The following PIBF1 variants were observed in gnomAD, a reference collection of about 807,000 sequenced individuals.
PIBF1 encodes progesterone-induced-blocking factor 1.
In PIBF1, 90 loss-of-function variants were observed where a neutral mutation model predicts 112.5. The observed-to-expected ratio is 0.80, with a 90% CI of 0.67 to 0.95. PIBF1 has a LOEUF of 0.95. Ranked by LOEUF, PIBF1 falls within the 40% of genes least tolerant of loss-of-function variation. The pLI is 0.00. For missense variants in PIBF1, 915 were observed against 852.3 expected, an observed-to-expected ratio of 1.07 and a Z score of -0.92; for synonymous variants, 301 against 288.6, an observed-to-expected ratio of 1.04 and a Z score of -0.44.
chr13:72,845,879 A>G (rs976877417), intron 9 of PIBF1, among the ~76,000 whole-genome samples: 5 of 152,100 alleles, frequency 3.3e-5, no homozygotes, highest in African/African-American at 9.7e-5. Context: ...TTTTTATACC[A>G]AAGCCCCTAA....
chr13:72,810,187 A>G (rs985029873), intron 5 of PIBF1, among the ~76,000 whole-genome samples: 9 of 152,220 alleles, frequency 5.9e-5, no homozygotes, highest in African/African-American at 1.4e-4. Context: ...TTTCCTATTT[A>G]TGAATTTTCT....
At chr13:72,945,141 G>C (rs1377589538) in intron 14 of PIBF1, among the ~76,000 whole-genome samples, 1 of 152,102 alleles carries the variant, frequency 6.6e-6, no homozygotes, top group Admixed American at 6.6e-5. Flanking sequence ...TAAAAATATG[G>C]AGTATTTGGC....
At chr13:72,825,200 G>T (rs1351338576) in intron 6 of PIBF1, among the ~76,000 whole-genome samples, 1 of 152,058 alleles carries the variant, frequency 6.6e-6, no homozygotes, top group Admixed American at 6.6e-5. Context: ...ATTCACAAAG[G>T]GTGTTTTGGG....
chr13:72,933,109 A>C (rs2041761752), intron 14 of PIBF1, among the ~76,000 whole-genome samples: 2 of 152,198 alleles, frequency 1.3e-5, no homozygotes, highest in African/African-American at 2.4e-5. Flanking sequence ...ACAAACAAAC[A>C]AACCTCTGTT....
intron 10 of PIBF1, among the ~76,000 whole-genome samples, chr13:72,882,530 C>CAA (rs1271388323): frequency 6.6e-6 from 1 of 152,126 alleles, no homozygotes; most frequent in Non-Finnish European, 1.5e-5. Context: ...GATTTGCGAA[C>CAA]AATCCATCTG....
intron 17 of PIBF1, among the ~76,000 whole-genome samples, chr13:73,000,815 T>C (rs1359595112): frequency 6.6e-6 from 1 of 152,228 alleles, no homozygotes; most frequent in African/African-American, 2.4e-5. Context: ...AATCAGTACA[T>C]GAGTAACAAT....
chr13:72,850,976 A>G (rs1181217155), intron 9 of PIBF1, among the ~76,000 whole-genome samples: 9 of 152,204 alleles, frequency 5.9e-5, no homozygotes, highest in African/African-American at 1.4e-4. Flanking sequence ...TGAAGAAACT[A>G]TTTTATTTCT....
intron 17 of PIBF1, among the ~76,000 whole-genome samples, chr13:73,001,920 C>A (rs1213054892): frequency 2.0e-5 from 3 of 152,044 alleles, no homozygotes; most frequent in African/African-American, 7.2e-5. Context: ...CAGCACCTGA[C>A]AAGACTTTTT....
chr13:72,906,454 T>A (rs975113476), intron 11 of PIBF1, among the ~76,000 whole-genome samples: 1 of 152,166 alleles, frequency 6.6e-6, no homozygotes, highest in Non-Finnish European at 1.5e-5. Context: ...GAAATGTTCA[T>A]GTATTGATTT....
At chr13:72,918,733 C>T (rs1242285852) in intron 13 of PIBF1, among the ~76,000 whole-genome samples, 2 of 145,028 alleles carry the variant, frequency 1.4e-5, no homozygotes, top group Non-Finnish European at 3.0e-5. Flanking sequence ...GAGACAGAGA[C>T]TCACTGTGTC....
intron 2 of PIBF1, among the ~76,000 whole-genome samples, chr13:72,786,187 G>A (rs953977188): frequency 2.0e-5 from 3 of 152,034 alleles, no homozygotes; most frequent in African/African-American, 7.2e-5. Flanking sequence ...TACTTACTCA[G>A]CACAATATTA....
At chr13:72,973,143 A>G (rs557182335) in intron 15 of PIBF1, among the ~76,000 whole-genome samples, 142 of 152,250 alleles carry the variant, frequency 9.3e-4, no homozygotes, top group African/African-American at 3.2e-3. Flanking sequence ...GCAGTGATGT[A>G]TGCCTGTAGT....
chr13:72,829,683 C>T (rs1305240324), intron 8 of PIBF1, among the ~76,000 whole-genome samples: 2 of 152,166 alleles, frequency 1.3e-5, no homozygotes, highest in East Asian at 1.9e-4. Flanking sequence ...TTACTGTAGC[C>T]TTGTAGTATA....
intron 9 of PIBF1, among the ~76,000 whole-genome samples, chr13:72,836,477 T>G (rs920451186): frequency 2.0e-5 from 3 of 152,178 alleles, no homozygotes; most frequent in African/African-American, 7.2e-5. Flanking sequence ...AAAAAAAAGC[T>G]GCTGTATTAT....
At chr13:72,784,199 T>A (rs2034465581) in intron 2 of PIBF1, among the ~76,000 whole-genome samples, 1 of 150,528 alleles carries the variant, frequency 6.6e-6, no homozygotes. Context: ...CACACAGTTT[T>A]ATCTGTCAGT....
chr13:72,903,236 A>G (rs2040569430), intron 11 of PIBF1, among the ~76,000 whole-genome samples: 1 of 152,152 alleles, frequency 6.6e-6, no homozygotes. Flanking sequence ...TATAAATGGT[A>G]TAATTATGGG....
intron 9 of PIBF1, among the ~76,000 whole-genome samples, chr13:72,835,766 T>C (rs544281263): frequency 8.4e-4 from 128 of 152,344 alleles, no homozygotes; most frequent in African/African-American, 3.0e-3. Context: ...CTCATTTAGC[T>C]GCTGGCTCCG....
At chr13:72,967,144 C>T (rs1462518774) in intron 15 of PIBF1, among the ~76,000 whole-genome samples, 1 of 152,028 alleles carries the variant, frequency 6.6e-6, no homozygotes, top group African/African-American at 2.4e-5. Flanking sequence ...CCATGTTGGT[C>T]AGGCTGGTCT....
intron 16 of PIBF1, among the ~76,000 whole-genome samples, chr13:72,976,611 T>G (rs1232166099): frequency 1.3e-5 from 2 of 152,218 alleles, no homozygotes; most frequent in Admixed American, 1.3e-4. Flanking sequence ...TAAAGCTTAG[T>G]AAAACAAATC....
Sources: allele counts gnomAD v4.1 joint callset (sites outside exome capture counted in the v4.1 genomes callset), GRCh38; gene constraint gnomAD v4.1.1; transcripts MANE v1.5; gene names NCBI Gene and HGNC (gene_info 2026-07-23, HGNC 2026-07-21).